The following WASF1 variants were observed in gnomAD, a reference collection of about 807,000 sequenced individuals.
The protein encoded by WASF1 is actin-binding protein WASF1.
In WASF1, 7 loss-of-function variants were observed where a neutral mutation model predicts 50.5. The observed-to-expected ratio is 0.14, with a 90% CI of 0.08 to 0.26. The LOEUF is 0.26. Among genes scored for constraint, WASF1 ranks in the 10% least tolerant of loss-of-function variants. The pLI is 1.00. For synonymous variants in WASF1, 205 were observed against 244.0 expected (o/e 0.84, Z 1.49); for missense variants, 470 against 694.7 (o/e 0.68, Z 3.64).
intron 3 of WASF1, among the ~76,000 whole-genome samples, chr6:110,153,730 C>G (rs992373487): frequency 9.2e-5 from 14 of 151,630 alleles, no homozygotes; most frequent in African/African-American, 3.4e-4. Context: ...ATAGTAAAAC[C>G]TGGTTTCTAC....
intron 3 of WASF1, among the ~76,000 whole-genome samples, chr6:110,159,221 G>A (rs1478009045): frequency 1.3e-5 from 2 of 151,628 alleles, no homozygotes; most frequent in Non-Finnish European, 2.9e-5. Context: ...GCAAGCACAG[G>A]AAAAGAAAAA....
intron 3 of WASF1, among the ~76,000 whole-genome samples, chr6:110,140,686 T>A (rs1775189312): frequency 1.3e-5 from 2 of 152,194 alleles, no homozygotes; most frequent in Admixed American, 6.5e-5. Flanking sequence ...GTATTCCGTG[T>A]TGATTGTTGC....
intron 8 of WASF1, among the ~76,000 whole-genome samples, chr6:110,103,986 G>A (rs185182300): frequency 7.2e-5 from 11 of 152,002 alleles, no homozygotes; most frequent in East Asian, 1.9e-4. Context: ...AGTATATCTC[G>A]GTGTGCTCTT....
intron 3 of WASF1, among the ~76,000 whole-genome samples, chr6:110,130,849 A>G (rs1052103603): frequency 2.0e-5 from 3 of 152,214 alleles, no homozygotes; most frequent in Admixed American, 2.0e-4. Flanking sequence ...ACATCCCCAT[A>G]ACACTTGACA....
chr6:110,101,489 C>A, intron 10 of WASF1, 99 bp downstream of exon 10: 1 of 1,466,292 alleles, frequency 6.8e-7, no homozygotes, highest in Non-Finnish European at 9.1e-7. Flanking sequence ...AACATGATCA[C>A]CTAAAATTTT....
chr6:110,134,309 CAG>C (rs1308048105), intron 3 of WASF1, among the ~76,000 whole-genome samples: 3 of 152,164 alleles, frequency 2.0e-5, no homozygotes, highest in Non-Finnish European at 2.9e-5. Flanking sequence ...ATTTGTTGAA[CAG>C]AGTGTCCTTT....
At chr6:110,168,931 T>C (rs564837759) in intron 2 of WASF1, among the ~76,000 whole-genome samples, 6 of 152,082 alleles carry the variant, frequency 3.9e-5, no homozygotes, top group Non-Finnish European at 8.8e-5. Flanking sequence ...TTTGCTTTGC[T>C]TCCCTTCCTA....
Position 110,155,619 on chromosome 6 carries a change from T to C in WASF1, c.-29+5016A>G, listed in dbSNP as rs372528019. Among the ~76,000 whole-genome samples the C allele has an allele frequency of 1.1e-4, 9 of 83,024 alleles. No individual in the cohort carries two copies. The East Asian group carries it at 3.1e-3, about 28-fold the overall frequency. 54.5% of individuals were successfully genotyped at this position (83,024 alleles called of 152,430 possible). ...GCACATTGTGCAGGTTAGTTACATATGTATACATGTGCCATGCTGGTGCGC... is the reference window on the plus strand; with the variant it reads ...GCACATTGTGCAGGTTAGTTACATACGTATACATGTGCCATGCTGGTGCGC... On this transcript the variant is annotated intron_variant, in intron 3 of 10. Coordinates refer to ENST00000392589, the MANE Select transcript of WASF1 (RefSeq NM_003931.3).
intron 3 of WASF1, among the ~76,000 whole-genome samples, chr6:110,139,754 A>G (rs76305820): frequency 0.073 from 11,062 of 152,232 alleles, 546 homozygotes; most frequent in African/African-American, 0.14. Flanking sequence ...CCTCCAGTGG[A>G]TGCCTGAAAC....
intron 4 of WASF1, among the ~76,000 whole-genome samples, chr6:110,124,530 A>G (rs2114510041): frequency 6.6e-6 from 1 of 151,940 alleles, no homozygotes; most frequent in South Asian, 2.1e-4. Context: ...GAAAGAGGAA[A>G]TTGATATAAA....
intron 3 of WASF1, among the ~76,000 whole-genome samples, chr6:110,147,339 C>T (rs774029237): frequency 3.4e-5 from 5 of 146,150 alleles, no homozygotes; most frequent in Non-Finnish European, 6.0e-5. Flanking sequence ...GTGCGAGACT[C>T]CGTCTCAAAA....
At chr6:110,132,661 T>C (rs759051386) in intron 3 of WASF1, among the ~76,000 whole-genome samples, 5 of 151,924 alleles carry the variant, frequency 3.3e-5, no homozygotes, top group Admixed American at 6.6e-5. Flanking sequence ...CTGTACCCAA[T>C]GTGTAGTCTT....
At chr6:110,170,428 T>G (rs916266996) in intron 2 of WASF1, among the ~76,000 whole-genome samples, 2 of 152,146 alleles carry the variant, frequency 1.3e-5, no homozygotes, top group Non-Finnish European at 2.9e-5. Flanking sequence ...TTCACTGTGT[T>G]GCCCAGGCTG....
chr6:110,113,536 A>C, intron 4 of WASF1, 76 bp from the exon 5 acceptor site: 1 of 1,318,038 alleles, frequency 7.6e-7, no homozygotes, highest in Non-Finnish European at 1.0e-6. Context: ...AGCAGTAGAA[A>C]TCTAGCATGA....
At chr6:110,147,044 T>C (rs558229167) in intron 3 of WASF1, among the ~76,000 whole-genome samples, 12 of 152,124 alleles carry the variant, frequency 7.9e-5, no homozygotes, top group African/African-American at 1.4e-4. Context: ...AAAATAAATA[T>C]ATAAATAATT....
intron 3 of WASF1, among the ~76,000 whole-genome samples, chr6:110,144,887 T>C (rs1775468750): frequency 6.6e-6 from 1 of 152,154 alleles, no homozygotes; most frequent in Admixed American, 6.6e-5. Context: ...TGAAGTCAGG[T>C]AGCGTGACGC....
At chr6:110,122,019 T>C (rs1357958702) in intron 4 of WASF1, among the ~76,000 whole-genome samples, 1 of 148,624 alleles carries the variant, frequency 6.7e-6, no homozygotes, top group Non-Finnish European at 1.5e-5. Context: ...GAACATCACA[T>C]ACCCGGGTCT....
At chr6:110,147,957 G>A (rs1775648090) in intron 3 of WASF1, among the ~76,000 whole-genome samples, 1 of 151,974 alleles carries the variant, frequency 6.6e-6, no homozygotes, top group African/African-American at 2.4e-5. Context: ...ATGTTGCCCG[G>A]GCTGGCCTCA....
intron 3 of WASF1, among the ~76,000 whole-genome samples, chr6:110,140,357 C>T (rs1775172137): frequency 6.6e-6 from 1 of 152,148 alleles, no homozygotes; most frequent in African/African-American, 2.4e-5. Flanking sequence ...CTTGTAATAC[C>T]CTTTAATAAT....
Sources: allele counts gnomAD v4.1 joint callset (sites outside exome capture counted in the v4.1 genomes callset), GRCh38; gene constraint gnomAD v4.1.1; transcripts MANE v1.5; gene names NCBI Gene and HGNC (gene_info 2026-07-23, HGNC 2026-07-21).